GFRA2: variants seen among roughly 807,000 people sequenced by gnomAD.
The protein encoded by GFRA2 is GDNF family receptor alpha 2.
GFRA2 carries 17 observed loss-of-function variants against 48.3 expected under a neutral mutation model. The observed-to-expected ratio is 0.35, with a 90% CI of 0.24 to 0.53. GFRA2 has a LOEUF of 0.53. Among genes scored for constraint, GFRA2 ranks in the 20% least tolerant of loss-of-function variants. The pLI is 0.93. For missense variants in GFRA2, 660 were observed against 637.3 expected (o/e 1.04, Z -0.38); for synonymous variants, 305 against 257.2 (o/e 1.19, Z -1.78).
chr8:21,737,001 G>A (rs1220689482), intron 4 of GFRA2, among the ~76,000 whole-genome samples: 1 of 151,946 alleles, frequency 6.6e-6, no homozygotes, highest in Non-Finnish European at 1.5e-5. Context: ...AGAAACAGCA[G>A]GTCCGAGTTA....
In GFRA2 at chr8:21,750,576, C is replaced by T. The variant is rs377381681; in HGVS notation, c.794+12G>A. 194 of 1,540,578 alleles carry T rather than the reference C, an allele frequency of 1.3e-4. 2 individuals carry two copies. The highest frequency in any genetic ancestry group is 2.3e-4 in the East Asian group (10 of 42,618). ...CTCCTGCCAGCACCACCGGGGCTGC[C>T]GCGGCACTCACCGACACAGGTGGTC... On this transcript the variant is annotated intron_variant, in intron 4 of 8. Transcript: ENST00000524240. The surrounding 1 kb of genome is among the most constrained non-coding windows in gnomAD (Gnocchi z 5.7).
chr8:21,777,155 A>G (rs1010986166), intron 2 of GFRA2, among the ~76,000 whole-genome samples: 3 of 152,210 alleles, frequency 2.0e-5, no homozygotes, highest in African/African-American at 7.2e-5. Context: ...ACAGCTAACA[A>G]GCGACAGAGC....
At chr8:21,749,116 C>T (rs1196707207) in intron 4 of GFRA2, among the ~76,000 whole-genome samples, 1 of 151,986 alleles carries the variant, frequency 6.6e-6, no homozygotes. Context: ...GGCTTAGGAC[C>T]AAGAACTGCA....
At chr8:21,700,096 G>A (rs902101466) in intron 7 of GFRA2, among the ~76,000 whole-genome samples, 2 of 152,162 alleles carry the variant, frequency 1.3e-5, no homozygotes, top group Admixed American at 6.5e-5. Context: ...AGTGGACAAG[G>A]AGAGACGTCT....
chr8:21,804,785 C>T (rs1324319601), intron 2 of GFRA2, among the ~76,000 whole-genome samples: 2 of 152,090 alleles, frequency 1.3e-5, no homozygotes, highest in Non-Finnish European at 2.9e-5. Flanking sequence ...GCTGGGGCTT[C>T]TGGGCTCATA....
At position 21,691,948 on chromosome 8, in the gene GFRA2, A is replaced by G. The variant is rs764174113; in HGVS notation, c.*1330T>C. ...ATTTCCCCAGCCCACTGGGAGCTCC[A>G]CTTACGCAGGTAACACTGGACCAAG... On this transcript the variant is annotated 3_prime_UTR_variant, in exon 9 of 9. Coordinates refer to ENST00000524240, the MANE Select transcript of GFRA2 (RefSeq NM_001495.5). 9.3e-4 allele frequency: 142 copies of G among 152,804 alleles called. 1 individual carries two copies. The highest frequency in any genetic ancestry group is 1.2e-4 in the Non-Finnish European group (8 of 68,114). The allele number at this position is 152,804 out of a possible 1,614,324, so 9.5% of individuals were successfully genotyped here. A position where few individuals can be genotyped will look rare whatever the true frequency, so the allele number is the denominator to read the frequency against.
chr8:21,705,973 T>A lies in GFRA2; in HGVS notation c.863A>T (p.Asp288Val). The A allele has an allele frequency of 6.3e-7, 1 of 1,578,132 alleles. No homozygotes were observed. ...AGAGCCCAGACACGCCTGGTAATTGTCCGCAGGGCAGCTGGTGACCGTCTG... is the reference window on the plus strand; with the variant it reads ...AGAGCCCAGACACGCCTGGTAATTGACCGCAGGGCAGCTGGTGACCGTCTG... ...SYQTVTSCPADNYQACLGSYA... is the reference protein window; with the variant it reads ...SYQTVTSCPAVNYQACLGSYA... The change falls in exon 5 of 9, where the codon GAC becomes GTC. Residue 288 changes from aspartate to valine, a missense_variant. Asp to Val is a radical substitution (Grantham distance 152, BLOSUM62 -3). Coordinates refer to ENST00000524240, the MANE Select transcript of GFRA2 (RefSeq NM_001495.5).
At chr8:21,797,416 C>T (rs954574461) in intron 2 of GFRA2, 4 of 151,670 alleles carry the variant, frequency 2.6e-5, no homozygotes, top group South Asian at 4.2e-4. Flanking sequence ...CTCAGCCTCC[C>T]GTCTCTACAA....
intron 4 of GFRA2, among the ~76,000 whole-genome samples, chr8:21,728,219 GGGCCCT>G (rs1192895643): frequency 4.0e-5 from 6 of 150,952 alleles, no homozygotes; most frequent in African/African-American, 1.5e-4. Context: ...CTGGATTCCT[GGGCCCT>G]ACATCCAAGG....
intron 3 of GFRA2, among the ~76,000 whole-genome samples, chr8:21,756,987 G>A (rs1457436879): frequency 6.6e-6 from 1 of 152,214 alleles, no homozygotes; most frequent in Admixed American, 6.5e-5. Flanking sequence ...GCCCAAGGGA[G>A]AGGGAGGCGG....
At chr8:21,775,166 C>T in intron 2 of GFRA2, 111 bp from the exon 3 acceptor site, 1 of 680,650 alleles carries the variant, frequency 1.5e-6, no homozygotes, top group Non-Finnish European at 2.7e-6. Flanking sequence ...TCGTGCCACC[C>T]AAAGGATAAG....
chr8:21,791,746 G>C (rs1323464931), upstream of GFRA2, among the ~76,000 whole-genome samples: 1 of 152,194 alleles, frequency 6.6e-6, no homozygotes, highest in Non-Finnish European at 1.5e-5. Flanking sequence ...GTTGTTTACT[G>C]CTTTGCTCTG....
In GFRA2 at chr8:21,782,805, C is replaced by A; in HGVS notation, c.135G>T (p.Glu45Asp). The change falls in exon 2 of 9, where the codon GAG becomes GAT. Residue 45 changes from glutamate to aspartate, a missense_variant. Physicochemically the swap from Glu to Asp is conservative, Grantham distance 45. Coordinates refer to ENST00000524240, the MANE Select transcript of GFRA2 (RefSeq NM_001495.5). ...RPPVDCVRAN[E>D]LCAAESNCSS... Reference sequence around the variant, plus strand: ...TGCAGTTGGATTCGGCGGCACACAGCTCATTGGCCCGGACACAGTCCACTG... The same window carrying A: ...TGCAGTTGGATTCGGCGGCACACAGATCATTGGCCCGGACACAGTCCACTG... 1.3e-6 allele frequency: 2 copies of A among 1,579,500 alleles called. No homozygotes were observed. The highest frequency in any genetic ancestry group is 8.6e-7 in the Non-Finnish European group (1 of 1,167,996).
intron 1 of GFRA2, among the ~76,000 whole-genome samples, chr8:21,808,787 G>A (rs576696292): frequency 8.5e-5 from 13 of 152,342 alleles, no homozygotes; most frequent in Admixed American, 7.2e-4. Flanking sequence ...TCCCACACCC[G>A]AGCTGCGTTT....
At chr8:21,811,495 A>G (rs967138200) in intron 1 of GFRA2, among the ~76,000 whole-genome samples, 6 of 152,090 alleles carry the variant, frequency 3.9e-5, no homozygotes, top group African/African-American at 1.4e-4. Context: ...AATCAAACTC[A>G]TAGGCAGGAA....
intron 2 of GFRA2, among the ~76,000 whole-genome samples, 157 bp from the exon 3 acceptor site, chr8:21,775,212 G>A (rs1806636707): frequency 6.6e-6 from 1 of 152,200 alleles, no homozygotes; most frequent in Non-Finnish European, 1.5e-5. Flanking sequence ...AAGAGTGCAG[G>A]ACCAGGGCAC....
At chr8:21,699,990 G>A (rs752741619) in intron 7 of GFRA2, among the ~76,000 whole-genome samples, 4 of 152,214 alleles carry the variant, frequency 2.6e-5, no homozygotes, top group Non-Finnish European at 5.9e-5. Flanking sequence ...CGCAAAGCAG[G>A]AGCCCAGAGC....
intron 2 of GFRA2, among the ~76,000 whole-genome samples, chr8:21,777,983 C>A (rs1335320884): frequency 2.6e-5 from 4 of 152,196 alleles, no homozygotes; most frequent in Non-Finnish European, 5.9e-5. Flanking sequence ...CCATCCTCCC[C>A]ACTGCCGCCA....
chr8:21,722,100 G>A (rs533319186), intron 4 of GFRA2, among the ~76,000 whole-genome samples: 1 of 152,202 alleles, frequency 6.6e-6, no homozygotes, highest in East Asian at 1.9e-4. Context: ...AGGATGTGAG[G>A]CTGGGGGTAA....
Sources: allele counts gnomAD v4.1 joint callset (sites outside exome capture counted in the v4.1 genomes callset), GRCh38; gene constraint gnomAD v4.1.1; non-coding constraint Gnocchi (gnomAD v3.1); transcripts MANE v1.5; gene names NCBI Gene and HGNC (gene_info 2026-07-23, HGNC 2026-07-21).